The following CDH12 variants were observed in gnomAD, a reference collection of about 807,000 sequenced individuals.
CDH12 encodes cadherin 12, also known as cadherin-12.
Under a neutral mutation model 74.1 loss-of-function variants are expected in CDH12, and 41 were observed. The ratio of observed to expected loss-of-function variants is 0.55; its 90% CI spans 0.43 to 0.72. CDH12 has a LOEUF of 0.72. Ranked by LOEUF, CDH12 falls within the 30% of genes least tolerant of loss-of-function variation. The pLI, the probability that CDH12 is intolerant of heterozygous loss-of-function variation, is 0.00. For synonymous variants in CDH12, 399 were observed against 355.0 expected (o/e 1.12, Z -1.39); for missense variants, 945 against 977.2 (o/e 0.97, Z 0.44).
chr5:22,236,635 T>C (rs1752569175), intron 3 of CDH12, among the ~76,000 whole-genome samples: 1 of 152,008 alleles, frequency 6.6e-6, no homozygotes, highest in Non-Finnish European at 1.5e-5. Flanking sequence ...TATTCCCAAC[T>C]ACTTGGGAGG....
Position 22,325,381 on chromosome 5 carries a change from A to G in CDH12, c.-333+79876T>C, listed in dbSNP as rs936108039. On this transcript the variant is annotated intron_variant, in intron 3 of 14. Coordinates refer to ENST00000382254, the MANE Select transcript of CDH12 (RefSeq NM_004061.5). The stretch of plus-strand genomic sequence containing the variant: ...AATCAGATACTACTTAGAAATCTCA[A>G]TGACGAAGGCTTTACCATGTTGATT... Among the ~76,000 whole-genome samples the G allele has an allele frequency of 3.9e-5, 6 of 152,190 alleles. No homozygotes were observed. The East Asian group carries it at 5.8e-4, about 15-fold the overall frequency.
At chr5:21,795,505 A>G (rs1746731370) in intron 10 of CDH12, among the ~76,000 whole-genome samples, 1 of 151,896 alleles carries the variant, frequency 6.6e-6, no homozygotes, top group Admixed American at 6.6e-5. Context: ...TGTGGGATCT[A>G]TCAATAAAAA....
chr5:22,786,489 C>T (rs1747631461), intron 1 of CDH12, among the ~76,000 whole-genome samples: 2 of 152,084 alleles, frequency 1.3e-5, no homozygotes, highest in South Asian at 4.1e-4. Context: ...GTCTGAAATT[C>T]CAGTAGTTGT....
intron 1 of CDH12, among the ~76,000 whole-genome samples, chr5:22,605,452 A>T (rs539591141): frequency 1.0e-3 from 158 of 152,294 alleles, no homozygotes; most frequent in African/African-American, 3.6e-3. Context: ...ACGATAGCAC[A>T]ACCTCACTCC....
intron 1 of CDH12, among the ~76,000 whole-genome samples, chr5:22,675,919 CTG>C (rs1741164167): frequency 1.4e-5 from 1 of 73,614 alleles, no homozygotes; most frequent in African/African-American, 5.1e-5. Flanking sequence ...GATATTGAAA[CTG>C]AAGTATTTTA....
At chr5:22,735,466 A>C (rs915964961) in intron 1 of CDH12, among the ~76,000 whole-genome samples, 1 of 151,906 alleles carries the variant, frequency 6.6e-6, no homozygotes, top group African/African-American at 2.4e-5. Context: ...TGCTGCTTAA[A>C]GTATACTACA....
chr5:22,797,166 T>C (rs1216982705), intron 1 of CDH12, among the ~76,000 whole-genome samples: 1 of 128,950 alleles, frequency 7.8e-6, no homozygotes, highest in Non-Finnish European at 1.6e-5. Context: ...CCCCCATGAA[T>C]GGGATCAGTG....
At chr5:22,430,756 T>C (rs1744136834) in intron 2 of CDH12, among the ~76,000 whole-genome samples, 1 of 152,194 alleles carries the variant, frequency 6.6e-6, no homozygotes, top group Non-Finnish European at 1.5e-5. Context: ...CTCTTGTATA[T>C]AATGGAACAG....
intron 6 of CDH12, among the ~76,000 whole-genome samples, chr5:21,911,967 A>G (rs1753877785): frequency 1.3e-5 from 2 of 152,188 alleles, no homozygotes; most frequent in Admixed American, 6.6e-5. Flanking sequence ...TTTCAAAATC[A>G]TGACAAACTA....
intron 5 of CDH12, among the ~76,000 whole-genome samples, chr5:22,007,548 C>T (rs187427509): frequency 4.6e-5 from 7 of 152,136 alleles, no homozygotes; most frequent in Admixed American, 3.9e-4. Flanking sequence ...AAAAATAAAA[C>T]ATTCTGTTGT....
intron 1 of CDH12, among the ~76,000 whole-genome samples, chr5:22,698,676 GATATATATATAT>G (rs1193077466): frequency 0.01 from 317 of 30,892 alleles, 3 homozygotes; most frequent in Middle Eastern, 0.053. Context: ...TCAATCCCCA[GATATATATATAT>G]ATATATATAT....
intron 5 of CDH12, among the ~76,000 whole-genome samples, chr5:22,005,101 C>T (rs1257699902): frequency 2.6e-5 from 4 of 151,986 alleles, no homozygotes; most frequent in East Asian, 3.9e-4. Context: ...AGTGCAATGG[C>T]GCAGTCTAGG....
intron 1 of CDH12, among the ~76,000 whole-genome samples, chr5:22,642,804 G>A (rs1420771963): frequency 6.6e-6 from 1 of 151,988 alleles, no homozygotes; most frequent in Non-Finnish European, 1.5e-5. Flanking sequence ...ATAAACATTA[G>A]TATAGATAAA....
At chr5:22,293,087 T>C (rs1291933150) in intron 3 of CDH12, among the ~76,000 whole-genome samples, 2 of 152,146 alleles carry the variant, frequency 1.3e-5, no homozygotes, top group Non-Finnish European at 2.9e-5. Context: ...TCTCAATCTC[T>C]AAAAACCCAC....
intron 12 of CDH12, among the ~76,000 whole-genome samples, chr5:21,764,651 G>GAAAAA (rs369895363): frequency 2.8e-4 from 31 of 109,384 alleles, no homozygotes; most frequent in East Asian, 8.3e-4. Flanking sequence ...TTCATATCAA[G>GAAAAA]AAAAAAAAAA....
intron 1 of CDH12, among the ~76,000 whole-genome samples, chr5:22,552,662 C>T (rs1738626020): frequency 6.6e-6 from 1 of 152,052 alleles, no homozygotes; most frequent in Non-Finnish European, 1.5e-5. Context: ...CTCCTAACCT[C>T]GTGATCTGCC....
intron 2 of CDH12, among the ~76,000 whole-genome samples, chr5:22,496,046 C>T (rs1024438413): frequency 1.1e-4 from 16 of 152,090 alleles, no homozygotes; most frequent in South Asian, 4.1e-4. Flanking sequence ...TAGATGCACA[C>T]GATTCTTGGA....
intron 1 of CDH12, among the ~76,000 whole-genome samples, chr5:22,761,930 A>AACACACACAC (rs10662625): frequency 1.3e-5 from 2 of 148,988 alleles, no homozygotes; most frequent in African/African-American, 4.9e-5. Flanking sequence ...TAATTTCTCA[A>AACACACACAC]ACACACACAC....
At chr5:21,924,189 C>T (rs531959397) in intron 6 of CDH12, among the ~76,000 whole-genome samples, 1 of 152,044 alleles carries the variant, frequency 6.6e-6, no homozygotes, top group African/African-American at 2.4e-5. Context: ...GTGAGAGAAA[C>T]AGCAAGGTAG....
Sources: gnomAD v4.1 joint callset for allele counts (sites outside exome capture counted in the v4.1 genomes callset) on GRCh38, gnomAD v4.1.1 for gene constraint, MANE v1.5 for transcripts, NCBI Gene and HGNC (gene_info 2026-07-23, HGNC 2026-07-21) for gene names.